The following COL21A1 variants were observed in gnomAD, a reference collection of about 807,000 sequenced individuals.
COL21A1 encodes collagen type XXI alpha 1 chain.
In COL21A1, 149 loss-of-function variants were observed where a neutral mutation model predicts 137.9. That is an observed-to-expected ratio of 1.08 (90% CI 0.95 to 1.24). COL21A1 has a LOEUF of 1.24. COL21A1 is among the 50% of genes most tolerant of loss of function. The pLI, the probability that COL21A1 is intolerant of heterozygous loss-of-function variation, is 0.00. For synonymous variants in COL21A1, 456 were observed against 391.5 expected, an observed-to-expected ratio of 1.16 and a Z score of -1.95; for missense variants, 1,167 against 1,158.4, an observed-to-expected ratio of 1.01 and a Z score of -0.11.
intron 1 of COL21A1, among the ~76,000 whole-genome samples, chr6:56,259,985 A>C (rs1176329128): frequency 6.6e-6 from 1 of 152,210 alleles, no homozygotes; most frequent in African/African-American, 2.4e-5. Context: ...TGAGGAAAGA[A>C]AGCATGGCAT....
chr6:56,117,389 A>G (rs948515567), intron 16 of COL21A1, among the ~76,000 whole-genome samples: 1 of 152,004 alleles, frequency 6.6e-6, no homozygotes, highest in East Asian at 1.9e-4. Flanking sequence ...AGCAGAGGAT[A>G]TAACAATTTT....
At chr6:56,352,164 TG>T (rs1765724393) in intron 1 of COL21A1, among the ~76,000 whole-genome samples, 2 of 143,662 alleles carry the variant, frequency 1.4e-5, no homozygotes, top group African/African-American at 4.9e-5. Context: ...AAAAAATCCA[TG>T]ATGAACAAAA....
intron 12 of COL21A1, among the ~76,000 whole-genome samples, chr6:56,129,699 T>TGTGTGAGA (rs1450514214): frequency 0.35 from 41,361 of 119,524 alleles, 7,332 homozygotes; most frequent in East Asian, 0.67. Context: ...TGTGTGTGTG[T>TGTGTGAGA]GAGAGAGAGA....
At chr6:56,179,113 G>T (rs1389656139) in intron 3 of COL21A1, among the ~76,000 whole-genome samples, 2 of 151,838 alleles carry the variant, frequency 1.3e-5, no homozygotes, top group Non-Finnish European at 2.9e-5. Flanking sequence ...AATAAAGTAT[G>T]AAATTATATA....
At chr6:56,356,672 G>C (rs537088253) in intron 1 of COL21A1, among the ~76,000 whole-genome samples, 1 of 152,140 alleles carries the variant, frequency 6.6e-6, no homozygotes, top group Non-Finnish European at 1.5e-5. Flanking sequence ...TTCTTGTTTC[G>C]ATAGGATGAA....
intron 12 of COL21A1, 182 bp from the exon 13 acceptor site, chr6:56,126,331 A>AAGG: frequency 1.9e-6 from 1 of 539,334 alleles, no homozygotes; most frequent in South Asian, 2.4e-5. Context: ...GGTTTCATTT[A>AAGG]TAATCAGAGA....
chr6:56,352,559 G>C (rs1765734146), intron 1 of COL21A1, among the ~76,000 whole-genome samples: 2 of 151,842 alleles, frequency 1.3e-5, no homozygotes, highest in South Asian at 4.1e-4. Flanking sequence ...AAGAAAAAAT[G>C]CAGTTGAAGA....
In COL21A1 at chr6:56,056,967, CTT is replaced by C. The variant is rs1482224620; in HGVS notation, c.*688_*689del. The C allele has an allele frequency of 6.6e-6, 1 of 152,092 alleles. No homozygotes were observed. Among genetic ancestry groups the C allele is most frequent in the East Asian group, 1.9e-4 (1 of 5,198 alleles). The allele number at this position is 152,092 out of a possible 1,614,324, so 9.4% of individuals were successfully genotyped here. A position where few individuals can be genotyped will look rare whatever the true frequency, so the allele number is the denominator to read the frequency against. ...CATTTTCTTTGAATGTACAATGAAA[CTT>C]TTTGTCTAAAATGTTTTTAATGTTA... On this transcript the variant is annotated 3_prime_UTR_variant, in exon 30 of 30. Transcript: ENST00000244728.
intron 1 of COL21A1, among the ~76,000 whole-genome samples, chr6:56,260,990 T>C (rs533322859): frequency 6.6e-6 from 1 of 152,190 alleles, no homozygotes; most frequent in African/African-American, 2.4e-5. Flanking sequence ...AATAAATATA[T>C]TTATTTGAAA....
chr6:56,129,699 T>TGTGTGTGTGA lies in COL21A1; in HGVS notation c.1543-3551_1543-3550insTCACACACAC, dbSNP rs1450514214. On this transcript the variant is annotated intron_variant, in intron 12 of 29. Transcript: ENST00000244728. ...GCGTGTGTGTGTGTGTGTGTGTGTG[T>TGTGTGTGTGA]GAGAGAGAGAGAGAGAGAGAGAGAC... 3.8e-3 allele frequency among the ~76,000 whole-genome samples: 463 copies of TGTGTGTGTGA among 120,494 alleles called. 4 individuals are homozygous for TGTGTGTGTGA. The highest frequency in any genetic ancestry group is 0.013 in the African/African-American group (416 of 32,354). The allele number at this position is 120,494 out of a possible 152,430, so 79.0% of individuals were successfully genotyped here. A position where few individuals can be genotyped will look rare whatever the true frequency, so the allele number is the denominator to read the frequency against.
chr6:56,239,850 A>G (rs1782160724), intron 1 of COL21A1, among the ~76,000 whole-genome samples: 1 of 152,152 alleles, frequency 6.6e-6, no homozygotes, highest in Non-Finnish European at 1.5e-5. Context: ...GGCTCCTCCA[A>G]TATGAATGGG....
intron 1 of COL21A1, among the ~76,000 whole-genome samples, chr6:56,281,528 A>G (rs981562063): frequency 6.6e-6 from 1 of 152,164 alleles, no homozygotes; most frequent in Non-Finnish European, 1.5e-5. Context: ...ATACTTCCAG[A>G]ATTTTATAAT....
intron 16 of COL21A1, among the ~76,000 whole-genome samples, chr6:56,110,323 C>A (rs1771313138): frequency 6.9e-6 from 1 of 144,244 alleles, no homozygotes. Context: ...TCTCAATAGA[C>A]TGGGAATAAA....
chr6:56,307,981 T>C (rs1764511323), intron 1 of COL21A1, among the ~76,000 whole-genome samples: 1 of 152,204 alleles, frequency 6.6e-6, no homozygotes, highest in South Asian at 2.1e-4. Flanking sequence ...GCTACATAAA[T>C]ACAATGAGAT....
intron 17 of COL21A1, among the ~76,000 whole-genome samples, chr6:56,089,250 C>T (rs543182854): frequency 3.9e-5 from 6 of 152,272 alleles, no homozygotes; most frequent in African/African-American, 1.4e-4. Flanking sequence ...ATACAATATG[C>T]ACTACAGTTA....
chr6:56,167,936 A>T lies in COL21A1; in HGVS notation c.1200+188T>A, dbSNP rs140888079. Among the ~76,000 whole-genome samples the T allele has an allele frequency of 4.7e-3, 719 of 152,290 alleles. 11 individuals carry two copies. The highest frequency in any genetic ancestry group is 0.017 in the African/African-American group (691 of 41,578). On this transcript the variant is annotated intron_variant, in intron 6 of 29. Coordinates refer to ENST00000244728, the MANE Select transcript of COL21A1 (RefSeq NM_030820.4). ...TCTAAATATTCTTATGAAATAGATTAAGTCCAATTCTGCATTTTAATACAT... is the reference window on the plus strand; with the variant it reads ...TCTAAATATTCTTATGAAATAGATTTAGTCCAATTCTGCATTTTAATACAT...
chr6:56,123,925 TA>T (rs938760839), intron 16 of COL21A1, 136 bp downstream of exon 16: 2 of 709,074 alleles, frequency 2.8e-6, no homozygotes, highest in South Asian at 2.2e-5. Context: ...AAATTACACG[TA>T]AAAAACCTTT....
intron 1 of COL21A1, among the ~76,000 whole-genome samples, chr6:56,352,403 C>G (rs947123735): frequency 6.6e-6 from 1 of 151,914 alleles, no homozygotes; most frequent in African/African-American, 2.4e-5. Context: ...ACTCATGGTT[C>G]CCAGGTACCA....
intron 1 of COL21A1, among the ~76,000 whole-genome samples, chr6:56,379,621 A>G (rs2094005490): frequency 6.6e-6 from 1 of 152,220 alleles, no homozygotes; most frequent in Admixed American, 6.5e-5. Flanking sequence ...GTACATAAAC[A>G]TCAAAAACTG....
Sources: allele counts gnomAD v4.1 joint callset (sites outside exome capture counted in the v4.1 genomes callset), GRCh38; gene constraint gnomAD v4.1.1; transcripts MANE v1.5; gene names NCBI Gene and HGNC (gene_info 2026-07-23, HGNC 2026-07-21).